Variants in OCA2 observed in about 807,000 individuals in gnomAD.
The protein encoded by OCA2 is P protein.
Under a neutral mutation model 100.2 loss-of-function variants are expected in OCA2, and 77 were observed. The ratio of observed to expected loss-of-function variants is 0.77; its 90% CI spans 0.64 to 0.93. OCA2 has a LOEUF of 0.93. OCA2 is among the 40% of genes least tolerant of loss of function. The pLI is 0.00. For synonymous variants in OCA2, 432 were observed against 439.2 expected (o/e 0.98, Z 0.21); for missense variants, 1,062 against 1,089.1 (o/e 0.98, Z 0.35).
intron 23 of OCA2, among the ~76,000 whole-genome samples, chr15:27,784,045 G>A (rs1237177967): frequency 4.6e-5 from 7 of 152,202 alleles, no homozygotes; most frequent in Admixed American, 4.6e-4. Flanking sequence ...CCAGCCTAAG[G>A]CTGAAAGTTA....
In OCA2 at chr15:27,951,854, C is replaced by T. The variant is rs778416831; in HGVS notation, c.1881G>A (p.Leu627=). The part of the protein sequence containing the change: ...ISDGILLAKC[L]TVLGFVIFMF... Reference sequence around the variant, plus strand: ...TGAAGATAACAAATCCCAACACTGTCAGGCATTTGGCGAGCAGAATCCCGT... The same window carrying T: ...TGAAGATAACAAATCCCAACACTGTTAGGCATTTGGCGAGCAGAATCCCGT... Residue 627 remains leucine (L), a synonymous_variant, in exon 18 of 24, where the codon CTG becomes CTA. Transcript: ENST00000354638. The T allele has an allele frequency of 6.3e-5, 101 of 1,613,940 alleles. No homozygotes were observed. The highest frequency in any genetic ancestry group is 8.1e-5 in the Non-Finnish European group (95 of 1,179,936).
intron 23 of OCA2, among the ~76,000 whole-genome samples, chr15:27,836,189 G>A (rs2151335547): frequency 6.6e-6 from 1 of 152,286 alleles, no homozygotes; most frequent in Middle Eastern, 3.4e-3. Context: ...TTATCCTAAG[G>A]CTGAAGATTT....
chr15:28,070,263 A>G (rs1595907411), intron 2 of OCA2, among the ~76,000 whole-genome samples: 1 of 140,406 alleles, frequency 7.1e-6, no homozygotes, highest in African/African-American at 3.0e-5. Flanking sequence ...CCCATCTGGG[A>G]AGTGAGGAGC....
At chr15:27,980,693 A>G (rs1002740833) in intron 14 of OCA2, among the ~76,000 whole-genome samples, 3 of 152,260 alleles carry the variant, frequency 2.0e-5, no homozygotes, top group Admixed American at 6.5e-5. Context: ...CAGTATTTAA[A>G]GGTATTGCTC....
At chr15:27,797,336 G>A (rs1439044329) in intron 23 of OCA2, among the ~76,000 whole-genome samples, 1 of 152,166 alleles carries the variant, frequency 6.6e-6, no homozygotes, top group Non-Finnish European at 1.5e-5. Flanking sequence ...GGAGGCAAAG[G>A]GGGCTGATTT....
intron 18 of OCA2, among the ~76,000 whole-genome samples, chr15:27,938,153 C>T (rs957661041): frequency 6.6e-6 from 1 of 152,184 alleles, no homozygotes; most frequent in African/African-American, 2.4e-5. Flanking sequence ...GTGATGAAGA[C>T]ACTCAGCAGG....
intron 9 of OCA2, among the ~76,000 whole-genome samples, chr15:27,996,131 C>T (rs1309414015): frequency 6.6e-6 from 1 of 152,042 alleles, no homozygotes; most frequent in Non-Finnish European, 1.5e-5. Context: ...CTTGAGCAAC[C>T]AATGTGTCAT....
intron 18 of OCA2, among the ~76,000 whole-genome samples, chr15:27,941,655 T>G (rs568920350): frequency 1.3e-5 from 2 of 152,318 alleles, no homozygotes; most frequent in Admixed American, 6.5e-5. Flanking sequence ...ACTAGGCTCC[T>G]GGCAAGGCTG....
Position 28,081,741 on chromosome 15 carries a change from G to A in OCA2, c.134C>T (p.Ala45Val), listed in dbSNP as rs2044633583. 2 of 1,613,400 alleles carry A rather than the reference G, an allele frequency of 1.2e-6. No individual in the cohort carries two copies. Among genetic ancestry groups the A allele is most frequent in the Admixed American group, 1.7e-5 (1 of 59,982 alleles). Residue 45 changes from alanine to valine, a missense_variant, in exon 2 of 24, where the codon GCT (alanine) becomes GTT (valine). Physicochemically the swap from Ala to Val is moderately conservative, Grantham distance 64. Coordinates refer to ENST00000354638, the MANE Select transcript of OCA2 (RefSeq NM_000275.3). ...CCTGGGGCAGGAGTGCGAGGGGTCA[G>A]CTCCACCGGCTCCCCGAGGAAGCCT... Reference protein sequence around the residue: ...KRRLPRGAGGADPSHSCPRGA... With the variant: ...KRRLPRGAGGVDPSHSCPRGA...
rs565154029 is a variant in OCA2, at chr15:28,075,317, C to G, written c.227+6331G>C. 1.1e-3 allele frequency among the ~76,000 whole-genome samples: 167 copies of G among 151,988 alleles called. 1 individual carries two copies. Among genetic ancestry groups the G allele is most frequent in the Middle Eastern group, 3.4e-3 (1 of 292 alleles). On this transcript the variant is annotated intron_variant, in intron 2 of 23. Transcript: ENST00000354638. ...GAGAATATATAATGAATCACAAACC[C>G]CATAATAGGAAAACAAGCAGACCTC...
intron 18 of OCA2, among the ~76,000 whole-genome samples, chr15:27,950,135 C>T (rs761109659): frequency 4.6e-5 from 7 of 152,114 alleles, no homozygotes; most frequent in Non-Finnish European, 1.0e-4. Context: ...GTTTTTAATA[C>T]AAAGACTGTT....
intron 11 of OCA2, among the ~76,000 whole-genome samples, chr15:27,987,441 T>C (rs747132479): frequency 1.2e-4 from 18 of 152,032 alleles, no homozygotes; most frequent in East Asian, 1.9e-4. Flanking sequence ...AACTTGAGGC[T>C]GGGTGTGGTG....
At chr15:27,956,517 CAT>C (rs904745660) in intron 16 of OCA2, among the ~76,000 whole-genome samples, 14 of 152,316 alleles carry the variant, frequency 9.2e-5, no homozygotes, top group East Asian at 1.9e-4. Flanking sequence ...TCGGAGCCCA[CAT>C]GTTTCCTCAT....
chr15:27,783,880 G>A (rs987091182), intron 23 of OCA2, among the ~76,000 whole-genome samples: 21 of 152,162 alleles, frequency 1.4e-4, no homozygotes, highest in Non-Finnish European at 2.8e-4. Context: ...CGTCCTTATG[G>A]GAGGACAGCA....
At chr15:27,723,575 T>G in the OCA2 span, among the ~76,000 whole-genome samples, 1 of 151,146 alleles carries the variant, frequency 6.6e-6, no homozygotes, top group Non-Finnish European at 1.5e-5. Flanking sequence ...AGAACCGACC[T>G]GGGGGCAGGT....
At chr15:27,877,512 A>G (rs934872821) in intron 19 of OCA2, among the ~76,000 whole-genome samples, 1 of 151,940 alleles carries the variant, frequency 6.6e-6, no homozygotes, top group Non-Finnish European at 1.5e-5. Flanking sequence ...AGGGACATTT[A>G]TAATTGTTAT....
chr15:28,091,911 G>A (rs952829060), intron 1 of OCA2, among the ~76,000 whole-genome samples: 5 of 152,134 alleles, frequency 3.3e-5, no homozygotes, highest in African/African-American at 7.2e-5. Context: ...AGCTGAGATC[G>A]TGCCACTGCA....
intron 23 of OCA2, among the ~76,000 whole-genome samples, chr15:27,821,670 A>G (rs1213897734): frequency 1.3e-5 from 2 of 151,912 alleles, no homozygotes; most frequent in African/African-American, 4.8e-5. Context: ...GCTCACATGC[A>G]TACGTGTATT....
intron 19 of OCA2, among the ~76,000 whole-genome samples, chr15:27,879,317 T>C (rs1456863068): frequency 6.6e-6 from 1 of 152,120 alleles, no homozygotes; most frequent in African/African-American, 2.4e-5. Context: ...AGTGAACATA[T>C]AAGTGCATGT....
Sources: gnomAD v4.1 joint callset for allele counts (sites outside exome capture counted in the v4.1 genomes callset) on GRCh38, gnomAD v4.1.1 for gene constraint, MANE v1.5 for transcripts, NCBI Gene and HGNC (gene_info 2026-07-23, HGNC 2026-07-21) for gene names.